SHC2: variants seen among roughly 807,000 people sequenced by gnomAD.
SHC2 encodes SHC adaptor protein 2.
A neutral mutation model predicts 60.6 loss-of-function variants in SHC2; 62 were observed. That is an observed-to-expected ratio of 1.02 (90% CI 0.83 to 1.26). The LOEUF (loss-of-function observed/expected upper bound fraction) is 1.26, where lower values mean the gene tolerates loss of function less well. Ranked by LOEUF, SHC2 falls within the 50% of genes most tolerant of loss-of-function variation. The pLI, the probability that SHC2 is intolerant of heterozygous loss-of-function variation, is 0.00. For synonymous variants in SHC2, 375 were observed against 372.4 expected, an observed-to-expected ratio of 1.01 and a Z score of -0.08; for missense variants, 873 against 822.2, an observed-to-expected ratio of 1.06 and a Z score of -0.76.
At chr19:456,165 C>A (rs72970219) in intron 1 of SHC2, among the ~76,000 whole-genome samples, 49 of 152,284 alleles carry the variant, frequency 3.2e-4, no homozygotes, top group African/African-American at 1.2e-3. Context: ...AAGAGCCCTG[C>A]GGGCCTGAGC....
intron 9 of SHC2, among the ~76,000 whole-genome samples, chr19:429,257 T>C (rs909399095): frequency 6.8e-6 from 1 of 146,006 alleles, no homozygotes; most frequent in East Asian, 2.1e-4. Flanking sequence ...ATACCCAACA[T>C]GCACGGAAAC....
Position 456,377 on chromosome 19 carries a change from C to T in SHC2, c.468+4152G>A, listed in dbSNP as rs572158696. Among the ~76,000 whole-genome samples, 72 of 152,208 alleles carry T rather than the reference C, an allele frequency of 4.7e-4. No homozygotes were observed. The South Asian group carries it at 0.014, about 30-fold the overall frequency. On this transcript the variant is annotated intron_variant, in intron 1 of 12. Transcript: ENST00000264554. Reference sequence around the variant, plus strand: ...GCCCCTGGTCCATCAGCAACTCCTCCGGGCTCCAACACAGGCTCATTGTCC... The same window carrying T: ...GCCCCTGGTCCATCAGCAACTCCTCTGGGCTCCAACACAGGCTCATTGTCC...
rs955205490 is a variant in SHC2 at position 438,776 on chromosome 19, C to T, written c.662G>A (p.Ser221Asn). The T allele has an allele frequency of 1.5e-5, 23 of 1,575,564 alleles. No individual in the cohort carries two copies. Among genetic ancestry groups the T allele is most frequent in the East Asian group, 2.3e-5 (1 of 42,574 alleles). Residue 221 changes from serine (S) to asparagine (N), a missense_variant, in exon 4 of 13, where the codon AGC becomes AAC. Transcript: ENST00000264554. This position sits in a 1 kb window ranked among gnomAD's most constrained non-coding sequence, Gnocchi z 5.0. ...ATCAGTGGAGATGTGGATGGAGATG[C>T]TCATGCCGGCAAAGCGAAGGTTGCT... ...GKSNLRFAGM[S>N]ISIHISTDGL... is the part of the protein sequence containing the mutation.
chr19:453,286 C>T lies in SHC2; in HGVS notation c.468+7243G>A, dbSNP rs1975246413. 6.6e-6 allele frequency: 1 copy of T among 152,062 alleles called. No homozygotes were observed. The highest frequency in any genetic ancestry group is 2.4e-5 in the African/African-American group (1 of 41,396). 9.4% of individuals were successfully genotyped at this position (152,062 alleles called of 1,614,324 possible). A position where few individuals can be genotyped will look rare whatever the true frequency, so the allele number is the denominator to read the frequency against. ...CAGAAACAAAACCTGAGTTTTGTTT[C>T]TGAGGCAGGGTCTTGCTCTGTCACC... On this transcript the variant is annotated intron_variant, in intron 1 of 12. Transcript: ENST00000264554. This position sits in a 1 kb window ranked among gnomAD's most constrained non-coding sequence, Gnocchi z 6.3.
In SHC2 at chr19:422,213, T is replaced by A; in HGVS notation, c.1553A>T (p.Gln518Leu). ...LVRDSVTNPG[Q>L]YVLTGMHAGQ... The stretch of plus-strand genomic sequence containing the variant: ...GGCGTGCATGCCGGTGAGGACATAC[T>A]GCCCGGGGTTGGTGACGCTGTCTCG... The change falls in exon 11 of 13, where the codon CAG (glutamine) becomes CTG (leucine). Residue 518 changes from glutamine to leucine, a missense_variant. Physicochemically the swap from Gln to Leu is moderately radical, Grantham distance 113. Coordinates refer to ENST00000264554, the MANE Select transcript of SHC2 (RefSeq NM_012435.3). The surrounding 1 kb of genome is among the most constrained non-coding windows in gnomAD (Gnocchi z 5.0). The A allele has an allele frequency of 6.2e-7, 1 of 1,612,628 alleles. No homozygotes were observed. Among genetic ancestry groups the A allele is most frequent in the Non-Finnish European group, 8.5e-7 (1 of 1,179,694 alleles).
chr19:440,786 G>A lies in SHC2; in HGVS notation c.539+76C>T, dbSNP rs939509319. 5.3e-5 allele frequency: 69 copies of A among 1,300,996 alleles called. No homozygotes were observed. The highest frequency in any genetic ancestry group is 2.0e-4 in the Middle Eastern group (1 of 5,040). 80.6% of individuals were successfully genotyped at this position (1,300,996 alleles called of 1,614,324 possible). A position where few individuals can be genotyped will look rare whatever the true frequency, so the allele number is the denominator to read the frequency against. ...CAGCGCGGCTGTCGGAGAGCCCATCGCTGCCGCCCTCCAGTGCTGCCGCCC... is the reference window on the plus strand; with the variant it reads ...CAGCGCGGCTGTCGGAGAGCCCATCACTGCCGCCCTCCAGTGCTGCCGCCC... On this transcript the variant is annotated intron_variant, in intron 2 of 12. Transcript: ENST00000264554. The surrounding 1 kb of genome is among the most constrained non-coding windows in gnomAD (Gnocchi z 7.0).
At chr19:444,267 C>G (rs1974998472) in intron 1 of SHC2, among the ~76,000 whole-genome samples, 1 of 152,130 alleles carries the variant, frequency 6.6e-6, no homozygotes, top group Non-Finnish European at 1.5e-5. Context: ...TGGTCCCTGT[C>G]CCTAGCACTG....
chr19:456,929 C>T, intron 1 of SHC2, among the ~76,000 whole-genome samples: 1 of 149,162 alleles, frequency 6.7e-6, no homozygotes, highest in East Asian at 1.9e-4. Flanking sequence ...GGGGCCTTTG[C>T]ACCTGCTGTG....
intron 1 of SHC2, among the ~76,000 whole-genome samples, chr19:459,773 G>C (rs935035967): frequency 5.3e-5 from 8 of 152,220 alleles, no homozygotes; most frequent in African/African-American, 1.9e-4. Flanking sequence ...CGGTAGTGGC[G>C]TGCGGGAGTG....
At chr19:456,106 CCTCT>C (rs1975336015) in intron 1 of SHC2, among the ~76,000 whole-genome samples, 1 of 152,210 alleles carries the variant, frequency 6.6e-6, no homozygotes, top group Non-Finnish European at 1.5e-5. Context: ...CACAGCTCGG[CCTCT>C]CTGTGCCTCA....
At chr19:417,617 G>A (rs1974183400) in intron 12 of SHC2, among the ~76,000 whole-genome samples, 1 of 152,254 alleles carries the variant, frequency 6.6e-6, no homozygotes, top group Non-Finnish European at 1.5e-5. Context: ...CTGGGACAGG[G>A]CAACGGCCTC....
At chr19:419,278 T>C (rs1369609325) in intron 11 of SHC2, 1 of 512,300 alleles carries the variant, frequency 2.0e-6, no homozygotes, top group East Asian at 3.1e-5. Flanking sequence ...GGGCCACGCT[T>C]CCTGTCGGGA....
intron 1 of SHC2, among the ~76,000 whole-genome samples, chr19:454,840 C>G (rs576822907): frequency 3.3e-5 from 5 of 151,922 alleles, no homozygotes; most frequent in Non-Finnish European, 7.4e-5. Context: ...GCCTGAGGGC[C>G]GGAAGCCCGT....
chr19:438,784 G>A lies in SHC2; in HGVS notation c.654C>T (p.Ala218=), dbSNP rs149705923. ...SVLGKSNLRF[A]GMSISIHIST... ...AGATGTGGATGGAGATGCTCATGCCGGCAAAGCGAAGGTTGCTCTTGCCCA... is the reference window on the plus strand; with the variant it reads ...AGATGTGGATGGAGATGCTCATGCCAGCAAAGCGAAGGTTGCTCTTGCCCA... The change falls in exon 4 of 13, where the codon GCC becomes GCT. Residue 218 remains alanine (A), a synonymous_variant. Coordinates refer to ENST00000264554, the MANE Select transcript of SHC2 (RefSeq NM_012435.3). This position sits in a 1 kb window ranked among gnomAD's most constrained non-coding sequence, Gnocchi z 5.0. 213 of 1,576,108 alleles carry A rather than the reference G, an allele frequency of 1.4e-4. 1 individual carries two copies. Among genetic ancestry groups the A allele is most frequent in the Non-Finnish European group, 1.7e-4 (200 of 1,162,230 alleles).
intron 12 of SHC2, 63 bp from the exon 13 acceptor site, chr19:417,385 T>A (rs1974176913): frequency 6.6e-6 from 1 of 152,300 alleles, no homozygotes; most frequent in African/African-American, 2.4e-5. Context: ...TGGGCTCCGG[T>A]GTGAGCCACA....
chr19:456,415 A>G (rs1025580367), intron 1 of SHC2, among the ~76,000 whole-genome samples: 1 of 151,454 alleles, frequency 6.6e-6, no homozygotes. Flanking sequence ...TTCTCCCCTC[A>G]CCTAGGTCCC....
intron 2 of SHC2, chr19:439,463 C>CCTGTCTGCAGCCTGAGTGGTGGCAGGAG (rs532164052): frequency 0.016 from 3,600 of 219,560 alleles, 153 homozygotes; most frequent in African/African-American, 0.078. Context: ...GTGTCGAGAT[C>CCTGTCTGCAGCCTGAGTGGTGGCAGGAG]CTGTCTGCAG....
chr19:430,604 T>TG, intron 9 of SHC2, 80 bp downstream of exon 9: 1 of 1,117,446 alleles, frequency 8.9e-7, no homozygotes, highest in Non-Finnish European at 1.3e-6. Flanking sequence ...GGAGAAAGAC[T>TG]GAGGGGGAGC....
At chr19:431,459 A>G (rs1974592686) in intron 8 of SHC2, among the ~76,000 whole-genome samples, 1 of 77,230 alleles carries the variant, frequency 1.3e-5, no homozygotes, top group African/African-American at 8.7e-5. Context: ...ATCGTGAGTG[A>G]GATCGTGAGT....
Sources: allele counts gnomAD v4.1 joint callset (sites outside exome capture counted in the v4.1 genomes callset), GRCh38; gene constraint gnomAD v4.1.1; non-coding constraint Gnocchi (gnomAD v3.1); transcripts MANE v1.5; gene names NCBI Gene and HGNC (gene_info 2026-07-23, HGNC 2026-07-21).